SPAG16: variants seen among roughly 807,000 people sequenced by gnomAD.
SPAG16 encodes sperm associated antigen 16, also known as sperm-associated antigen 16 protein.
In SPAG16, 86 loss-of-function variants were observed where a neutral mutation model predicts 80.4. The observed-to-expected ratio is 1.07, with a 90% CI of 0.90 to 1.28. The LOEUF (loss-of-function observed/expected upper bound fraction) is 1.28. SPAG16 is among the 50% of genes most tolerant of loss of function. The pLI is 0.00. For synonymous variants in SPAG16, 294 were observed against 265.9 expected (o/e 1.11, Z -1.03); for missense variants, 870 against 765.3 (o/e 1.14, Z -1.61).
At chr2:213,741,668 G>T (rs2067561272) in intron 10 of SPAG16, among the ~76,000 whole-genome samples, 1 of 152,058 alleles carries the variant, frequency 6.6e-6, no homozygotes, top group Non-Finnish European at 1.5e-5. Flanking sequence ...CATTTTTATT[G>T]CAGTGTAAAA....
intron 1 of SPAG16, among the ~76,000 whole-genome samples, chr2:213,293,639 C>T (rs2062383774): frequency 6.6e-6 from 1 of 152,300 alleles, no homozygotes; most frequent in East Asian, 1.9e-4. Context: ...GTTGCCTCAT[C>T]TCAGCCTTCA....
At chr2:214,056,854 T>C (rs2049971011) in intron 13 of SPAG16, among the ~76,000 whole-genome samples, 1 of 152,184 alleles carries the variant, frequency 6.6e-6, no homozygotes, top group African/African-American at 2.4e-5. Flanking sequence ...AATCCTTTGT[T>C]GTAATTTCAG....
intron 12 of SPAG16, among the ~76,000 whole-genome samples, chr2:213,938,358 G>A (rs1257851936): frequency 1.3e-5 from 2 of 151,674 alleles, no homozygotes; most frequent in East Asian, 3.9e-4. Context: ...AATCACGTTT[G>A]TTTTATATTT....
At chr2:214,049,862 T>A (rs1274664103) in intron 13 of SPAG16, among the ~76,000 whole-genome samples, 1 of 152,180 alleles carries the variant, frequency 6.6e-6, no homozygotes, top group Non-Finnish European at 1.5e-5. Context: ...TTTAAAAAAA[T>A]ACCTTCTTAT....
intron 10 of SPAG16, among the ~76,000 whole-genome samples, chr2:213,796,341 A>G (rs1207664041): frequency 6.6e-6 from 1 of 152,120 alleles, no homozygotes; most frequent in African/African-American, 2.4e-5. Context: ...CATCTAATCT[A>G]CTTTCTATCT....
chr2:214,171,393 T>C (rs2056863138), intron 15 of SPAG16, among the ~76,000 whole-genome samples: 1 of 152,002 alleles, frequency 6.6e-6, no homozygotes, highest in Non-Finnish European at 1.5e-5. Flanking sequence ...ATTTTGTTGT[T>C]TTGTTGCACT....
chr2:214,059,367 A>T (rs1450339829), intron 13 of SPAG16, among the ~76,000 whole-genome samples: 1 of 149,454 alleles, frequency 6.7e-6, no homozygotes, highest in East Asian at 2.0e-4. Context: ...TTGTTATTTC[A>T]ACTCCATTTG....
chr2:213,573,401 T>C (rs2060000530), intron 10 of SPAG16, among the ~76,000 whole-genome samples: 1 of 152,258 alleles, frequency 6.6e-6, no homozygotes, highest in African/African-American at 2.4e-5. Context: ...GATGCTGTTA[T>C]TTAAAAAGAA....
At chr2:213,840,220 T>A (rs1433043720) in intron 10 of SPAG16, among the ~76,000 whole-genome samples, 1 of 152,222 alleles carries the variant, frequency 6.6e-6, no homozygotes, top group South Asian at 2.1e-4. Context: ...AATAACCATA[T>A]ATAGGCCAAA....
chr2:213,765,261 C>T (rs2068872608), intron 10 of SPAG16, among the ~76,000 whole-genome samples: 1 of 152,096 alleles, frequency 6.6e-6, no homozygotes, highest in Admixed American at 6.5e-5. Flanking sequence ...CCCAGCTACT[C>T]GGGAGACTGA....
chr2:213,755,079 T>C (rs1172760737), intron 10 of SPAG16, among the ~76,000 whole-genome samples: 1 of 152,204 alleles, frequency 6.6e-6, no homozygotes, highest in East Asian at 1.9e-4. Context: ...ACTCTTTGTG[T>C]CAGTAATACT....
intron 5 of SPAG16, among the ~76,000 whole-genome samples, chr2:213,338,067 G>A (rs571070789): frequency 7.2e-5 from 11 of 152,184 alleles, no homozygotes; most frequent in East Asian, 1.9e-4. Context: ...GCCAATATTC[G>A]ACACTCTTAA....
chr2:213,965,719 T>G (rs567076639), intron 12 of SPAG16, among the ~76,000 whole-genome samples: 1 of 152,342 alleles, frequency 6.6e-6, no homozygotes, highest in East Asian at 1.9e-4. Flanking sequence ...CCATACTTTG[T>G]TCTAAACATC....
At chr2:213,762,310 T>G (rs1182415081) in intron 10 of SPAG16, among the ~76,000 whole-genome samples, 1 of 152,176 alleles carries the variant, frequency 6.6e-6, no homozygotes, top group Non-Finnish European at 1.5e-5. Context: ...TACAACATTA[T>G]GAACACATTT....
chr2:214,250,683 A>G (rs1389505856), intron 15 of SPAG16, among the ~76,000 whole-genome samples: 1 of 145,416 alleles, frequency 6.9e-6, no homozygotes, highest in African/African-American at 2.5e-5. Context: ...TATTATATCT[A>G]TATATAAAGA....
At chr2:213,503,205 G>A (rs1360991537) in intron 10 of SPAG16, among the ~76,000 whole-genome samples, 1 of 152,160 alleles carries the variant, frequency 6.6e-6, no homozygotes, top group Non-Finnish European at 1.5e-5. Flanking sequence ...TGTTGGGGCA[G>A]CTTTGCTCTG....
chr2:214,371,896 G>A (rs1375225159), intron 15 of SPAG16, among the ~76,000 whole-genome samples: 9 of 151,846 alleles, frequency 5.9e-5, no homozygotes, highest in Non-Finnish European at 1.3e-4. Context: ...GGCCAGGCTG[G>A]TCTCCAACTC....
intron 10 of SPAG16, among the ~76,000 whole-genome samples, chr2:213,734,396 G>C (rs2067194517): frequency 6.6e-6 from 1 of 152,266 alleles, no homozygotes; most frequent in African/African-American, 2.4e-5. Context: ...GACATTTCTT[G>C]ATAGTCACTA....
At chr2:213,980,789 A>C (rs953230589) in intron 12 of SPAG16, among the ~76,000 whole-genome samples, 2 of 144,046 alleles carry the variant, frequency 1.4e-5, no homozygotes, top group Non-Finnish European at 3.0e-5. Context: ...TGTGCCTGTA[A>C]TCCCAGCTAC....
Sources: gnomAD v4.1 joint callset for allele counts (sites outside exome capture counted in the v4.1 genomes callset) on GRCh38, gnomAD v4.1.1 for gene constraint, MANE v1.5 for transcripts, NCBI Gene and HGNC (gene_info 2026-07-23, HGNC 2026-07-21) for gene names.